Variants in TUBGCP5 observed in about 807,000 individuals in gnomAD.
TUBGCP5 encodes the protein gamma-tubulin complex component 5.
Under a neutral mutation model 134.7 loss-of-function variants are expected in TUBGCP5, and 98 were observed. The observed-to-expected ratio is 0.73, with a 90% confidence interval of 0.62 to 0.86. The LOEUF (loss-of-function observed/expected upper bound fraction) is 0.86, where lower values mean the gene tolerates loss of function less well. TUBGCP5 is among the 40% of genes least tolerant of loss of function. TUBGCP5 has a pLI of 0.00. For synonymous variants in TUBGCP5, 456 were observed against 431.4 expected (o/e 1.06, Z -0.71); for missense variants, 1,150 against 1,244.8 (o/e 0.92, Z 1.15).
chr15:23,039,362 G>T, intron 1 of TUBGCP5, 36 bp downstream of exon 1: 1 of 1,371,994 alleles, frequency 7.3e-7, no homozygotes, highest in Non-Finnish European at 9.5e-7. Flanking sequence ...GCTCCGGGCT[G>T]TGGCCGGGAA....
intron 10 of TUBGCP5, among the ~76,000 whole-genome samples, chr15:23,022,378 G>A (rs1311258686): frequency 6.6e-6 from 1 of 152,030 alleles, no homozygotes; most frequent in Non-Finnish European, 1.5e-5. Context: ...ATGTATAAAG[G>A]AACTGACAGT....
chr15:23,004,541 A>G (rs905518727), intron 19 of TUBGCP5: 4 of 200,082 alleles, frequency 2.0e-5, no homozygotes, highest in Non-Finnish European at 4.0e-5. Context: ...ACACATCGAT[A>G]AAAAAAAAAT....
intron 21 of TUBGCP5, 48 bp from the exon 22 acceptor site, chr15:23,000,717 T>C (rs750569437): frequency 1.4e-6 from 2 of 1,400,980 alleles, no homozygotes; most frequent in Non-Finnish European, 9.8e-7. Flanking sequence ...TGCGGGTATA[T>C]AGGTAGGCTT....
At position 23,000,687 on chromosome 15, in the gene TUBGCP5, T is replaced by A. The variant is rs553902055; in HGVS notation, c.2928-18A>T. 1 of 1,576,358 alleles carries A rather than the reference T, an allele frequency of 6.3e-7. No homozygotes were observed. Among genetic ancestry groups the A allele is most frequent in the East Asian group, 2.2e-5 (1 of 44,576 alleles). On this transcript the variant is annotated intron_variant, in intron 21 of 22. Transcript: ENST00000615383. ...ATTCCATTCTAGGAATAAAAGTAAA[T>A]TTCAATTAAGTAAGTGCATTGCGGG...
At chr15:23,036,023 C>G (rs1353736735) in intron 3 of TUBGCP5, among the ~76,000 whole-genome samples, 1 of 152,170 alleles carries the variant, frequency 6.6e-6, no homozygotes, top group Non-Finnish European at 1.5e-5. Flanking sequence ...TGAGCTTCCT[C>G]AGGCAGGAGA....
intron 23 of TUBGCP5, among the ~76,000 whole-genome samples, chr15:22,988,076 TCTC>T (rs2063732921): frequency 1.3e-5 from 2 of 151,712 alleles, no homozygotes; most frequent in South Asian, 4.2e-4. Flanking sequence ...GTAATACATT[TCTC>T]CTGTTTATAG....
Position 23,032,819 on chromosome 15 carries a change from A to G in TUBGCP5, c.315T>C (p.Asp105=). 4 of 1,565,140 alleles carry G rather than the reference A, an allele frequency of 2.6e-6. No homozygotes were observed. The highest frequency in any genetic ancestry group is 1.2e-5 in the South Asian group (1 of 82,104). The change falls in exon 4 of 23, where the codon GAT becomes GAC. Residue 105 remains aspartate (D), a synonymous_variant. Transcript: ENST00000615383. ...GAAGTGACAGTATGGAATAATGTGC[A>G]TCTGTCTTTAAAACAAAAAAAAGAA... ...PLPSIKEIKT[D]AHYSILSLLL...
intron 16 of TUBGCP5, chr15:23,008,436 T>G (rs759294097): frequency 1.4e-5 from 6 of 429,856 alleles, no homozygotes; most frequent in Non-Finnish European, 2.1e-5. Context: ...TTTTTGTATT[T>G]TTAGTAGAGA....
chr15:22,995,369 G>A (rs2064020729), downstream of TUBGCP5, among the ~76,000 whole-genome samples: 1 of 152,018 alleles, frequency 6.6e-6, no homozygotes, highest in Admixed American at 6.5e-5. Context: ...ATTCTGTTGG[G>A]AAGCACCATA....
At chr15:23,002,955 A>G in intron 21 of TUBGCP5, 110 bp downstream of exon 21, 4 of 1,036,688 alleles carry the variant, frequency 3.9e-6, no homozygotes, top group East Asian at 2.5e-5. Context: ...GGGTCAAGCA[A>G]TCCTCTCCTC....
intron 5 of TUBGCP5, among the ~76,000 whole-genome samples, chr15:23,031,490 G>A (rs753870725): frequency 6.6e-5 from 10 of 152,056 alleles, no homozygotes; most frequent in Admixed American, 3.9e-4. Flanking sequence ...CTAATTTTTT[G>A]TATTCTTAGT....
In TUBGCP5 at chr15:23,017,912, CT is replaced by C; in HGVS notation, c.1616del (p.Gln539ArgfsTer18). 6 of 1,614,180 alleles carry C rather than the reference CT, an allele frequency of 3.7e-6. No individual in the cohort carries two copies. The highest frequency in any genetic ancestry group is 1.3e-5 in the African/African-American group (1 of 75,050). On this transcript the variant is annotated frameshift_variant, in exon 13 of 23. Transcript: ENST00000615383. LOFTEE classifies it high-confidence loss of function. Reference sequence around the variant, plus strand: ...TGGTGTGCTGCCTGCTGGAGGGCCCCTGGTCACTGCCGGAACTCGCACTAGC... The same window carrying C: ...TGGTGTGCTGCCTGCTGGAGGGCCCCGGTCACTGCCGGAACTCGCACTAGC... ...DNASASSGSD[Q>X]GPSSRQHTMV... is the part of the protein sequence containing the mutation.
chr15:22,987,554 G>T (rs1183519155), intron 23 of TUBGCP5, among the ~76,000 whole-genome samples: 2 of 151,772 alleles, frequency 1.3e-5, no homozygotes, highest in African/African-American at 4.8e-5. Flanking sequence ...GAGCTGACAG[G>T]TCACAAAAGT....
At chr15:23,022,621 G>A (rs551195056) in intron 10 of TUBGCP5, among the ~76,000 whole-genome samples, 2 of 152,326 alleles carry the variant, frequency 1.3e-5, no homozygotes. Flanking sequence ...TGTGGAGCTA[G>A]ACATGTGATA....
chr15:22,985,135 A>G (rs1386716542), intron 23 of TUBGCP5, among the ~76,000 whole-genome samples: 1 of 152,208 alleles, frequency 6.6e-6, no homozygotes, highest in African/African-American at 2.4e-5. Flanking sequence ...CTATGATGGT[A>G]ATTCTACTTC....
chr15:23,029,375 C>T (rs978744436), intron 6 of TUBGCP5, among the ~76,000 whole-genome samples: 7 of 152,150 alleles, frequency 4.6e-5, no homozygotes, highest in Non-Finnish European at 1.0e-4. Context: ...GCATGCGCCA[C>T]TATGCCCAGC....
intron 3 of TUBGCP5, 58 bp from the exon 4 acceptor site, chr15:23,032,882 G>T: frequency 7.7e-7 from 1 of 1,291,074 alleles, no homozygotes; most frequent in African/African-American, 1.5e-5. Context: ...TTCTACACCA[G>T]ATTGAGTAAA....
chr15:23,003,189 C>T (rs2064492242), intron 20 of TUBGCP5, 36 bp from the exon 21 acceptor site: 2 of 1,597,866 alleles, frequency 1.3e-6, no homozygotes, highest in Non-Finnish European at 1.7e-6. Context: ...AACTGTGTAA[C>T]TAGGTTTGGA....
chr15:22,994,429 C>T (rs896886229), downstream of TUBGCP5, among the ~76,000 whole-genome samples: 5 of 152,160 alleles, frequency 3.3e-5, no homozygotes, highest in African/African-American at 7.2e-5. Context: ...ATGTGCAGCA[C>T]GGCCTTAGCT....
Sources: gnomAD v4.1 joint callset for allele counts (sites outside exome capture counted in the v4.1 genomes callset) on GRCh38, gnomAD v4.1.1 for gene constraint, MANE v1.5 for transcripts, NCBI Gene and HGNC (gene_info 2026-07-23, HGNC 2026-07-21) for gene names.